Variants in TRHDE observed in about 807,000 individuals in gnomAD.
TRHDE encodes thyrotropin releasing hormone degrading enzyme, also known as thyrotropin-releasing hormone-degrading ectoenzyme.
In TRHDE, 72 loss-of-function variants were observed where a neutral mutation model predicts 125.7. The observed-to-expected ratio is 0.57, with a 90% CI of 0.47 to 0.70. TRHDE has a LOEUF of 0.70. Ranked by LOEUF, TRHDE falls within the 30% of genes least tolerant of loss-of-function variation. The pLI, the probability that TRHDE is intolerant of heterozygous loss-of-function variation, is 0.00. For missense variants in TRHDE, 1,110 were observed against 1,327.1 expected (o/e 0.84, Z 2.54); for synonymous variants, 509 against 509.1 (o/e 1.00, Z 0.00).
intron 2 of TRHDE, among the ~76,000 whole-genome samples, chr12:72,352,604 T>G (rs949346732): frequency 6.6e-6 from 1 of 151,814 alleles, no homozygotes; most frequent in Non-Finnish European, 1.5e-5. Flanking sequence ...GGCTAGGCAG[T>G]TTGTGTGCCA....
At chr12:72,602,109 G>C (rs1023979158) in intron 12 of TRHDE, among the ~76,000 whole-genome samples, 1 of 151,998 alleles carries the variant, frequency 6.6e-6, no homozygotes, top group African/African-American at 2.4e-5. Flanking sequence ...TTTTTTGTTT[G>C]TTCTGCTTTG....
intron 2 of TRHDE, among the ~76,000 whole-genome samples, chr12:72,225,854 C>A (rs551876095): frequency 1.1e-4 from 17 of 152,224 alleles, no homozygotes; most frequent in Middle Eastern, 3.4e-3. Flanking sequence ...GAAGGTTTGA[C>A]CTTTCAGGAA....
At chr12:72,339,011 A>G (rs1869959282) in intron 2 of TRHDE, among the ~76,000 whole-genome samples, 1 of 152,192 alleles carries the variant, frequency 6.6e-6, no homozygotes, top group Non-Finnish European at 1.5e-5. Flanking sequence ...TTTCTTAAGT[A>G]AAAATTCTAG....
chr12:72,370,277 C>G lies in TRHDE; in HGVS notation c.1189-7718C>G, dbSNP rs1293261515. The stretch of plus-strand genomic sequence containing the variant: ...ATAAATCCATCTATTTCTCTGCATC[C>G]CTACTGCCATCTCTCCAGTCCAAAC... On this transcript the variant is annotated intron_variant, in intron 2 of 18. Transcript: ENST00000261180. 1.3e-5 allele frequency among the ~76,000 whole-genome samples: 2 copies of G among 152,080 alleles called. 1 individual carries two copies. The highest frequency in any genetic ancestry group is 4.8e-5 in the African/African-American group (2 of 41,406).
intron 3 of TRHDE, among the ~76,000 whole-genome samples, chr12:72,464,029 A>G (rs751288956): frequency 9.9e-5 from 15 of 152,156 alleles, no homozygotes; most frequent in Non-Finnish European, 1.8e-4. Flanking sequence ...GGCAAAACAA[A>G]AAGCTGCAAG....
intron 2 of TRHDE, among the ~76,000 whole-genome samples, chr12:72,212,272 A>G (rs904467162): frequency 2.6e-5 from 4 of 152,126 alleles, no homozygotes; most frequent in East Asian, 1.9e-4. Context: ...AGATAAAACT[A>G]TAACACTCTT....
chr12:72,266,254 G>A (rs1482393688), intron 2 of TRHDE, among the ~76,000 whole-genome samples: 3 of 151,786 alleles, frequency 2.0e-5, no homozygotes, highest in East Asian at 1.9e-4. Context: ...TATCTATTGC[G>A]CCTTTGAAGC....
intron 3 of TRHDE, among the ~76,000 whole-genome samples, chr12:72,453,774 A>C (rs1254270794): frequency 6.6e-6 from 1 of 152,154 alleles, no homozygotes; most frequent in Non-Finnish European, 1.5e-5. Flanking sequence ...CCTGCATCCC[A>C]GCTGCTCCAT....
intron 2 of TRHDE, among the ~76,000 whole-genome samples, chr12:72,198,728 A>G (rs575471432): frequency 6.6e-6 from 1 of 152,306 alleles, no homozygotes; most frequent in South Asian, 2.1e-4. Context: ...GCAGTAGATC[A>G]GATATTTTCC....
At chr12:72,219,011 T>C (rs1488698063) in intron 2 of TRHDE, among the ~76,000 whole-genome samples, 1 of 152,126 alleles carries the variant, frequency 6.6e-6, no homozygotes, top group Non-Finnish European at 1.5e-5. Flanking sequence ...AGCAAAGAAA[T>C]AAAAGAATCA....
intron 12 of TRHDE, among the ~76,000 whole-genome samples, chr12:72,613,770 A>G (rs138969876): frequency 2.6e-4 from 39 of 152,304 alleles, no homozygotes; most frequent in Admixed American, 8.5e-4. Flanking sequence ...GAAGGAGCAG[A>G]AGGAGGAGGG....
At chr12:72,469,696 A>T in intron 3 of TRHDE, 62 bp from the exon 4 acceptor site, 3 of 1,537,572 alleles carry the variant, frequency 2.0e-6, no homozygotes, top group Non-Finnish European at 2.7e-6. Context: ...ACTTTTTAGG[A>T]TATAAATTCA....
chr12:72,634,589 A>G (rs888195439), intron 15 of TRHDE, among the ~76,000 whole-genome samples: 1 of 151,884 alleles, frequency 6.6e-6, no homozygotes. Context: ...CCATGCTGGT[A>G]CGCTGCAACC....
intron 2 of TRHDE, among the ~76,000 whole-genome samples, chr12:72,152,283 AAGG>A (rs979537223): frequency 4.6e-5 from 7 of 151,734 alleles, no homozygotes; most frequent in African/African-American, 1.7e-4. Flanking sequence ...TTATCAGCTT[AAGG>A]AGATTTCGGG....
intron 5 of TRHDE, among the ~76,000 whole-genome samples, chr12:72,478,938 A>C (rs1877029507): frequency 1.3e-5 from 2 of 150,854 alleles, no homozygotes; most frequent in South Asian, 2.1e-4. Flanking sequence ...AAAAAAAAAA[A>C]AAACAAAAAC....
At chr12:72,590,086 G>A (rs1165817198) in intron 12 of TRHDE, among the ~76,000 whole-genome samples, 1 of 151,808 alleles carries the variant, frequency 6.6e-6, no homozygotes, top group Non-Finnish European at 1.5e-5. Flanking sequence ...GTATCATTCA[G>A]TTTAAAATAT....
At chr12:72,287,209 A>G (rs1879923040) in intron 2 of TRHDE, among the ~76,000 whole-genome samples, 1 of 151,886 alleles carries the variant, frequency 6.6e-6, no homozygotes, top group African/African-American at 2.4e-5. Flanking sequence ...GTTCTTCCTC[A>G]TCTCTACCTG....
intron 3 of TRHDE, among the ~76,000 whole-genome samples, chr12:72,401,124 C>T (rs990261858): frequency 1.3e-5 from 2 of 151,946 alleles, no homozygotes; most frequent in Non-Finnish European, 2.9e-5. Context: ...GATTTTTAAC[C>T]ATTTTATAAA....
chr12:72,097,440 A>ATTTTTTTTTTTTTTTTT (rs869290442), intron 1 of TRHDE, among the ~76,000 whole-genome samples: 10 of 21,648 alleles, frequency 4.6e-4, no homozygotes, highest in African/African-American at 8.5e-4. Context: ...TTCTCACTGA[A>ATTTTTTTTTTTTTTTTT]TTTTTTTTTT....
Sources: gnomAD v4.1 joint callset for allele counts (sites outside exome capture counted in the v4.1 genomes callset) on GRCh38, gnomAD v4.1.1 for gene constraint, MANE v1.5 for transcripts, NCBI Gene and HGNC (gene_info 2026-07-23, HGNC 2026-07-21) for gene names.